AP5S1: variants seen among roughly 807,000 people sequenced by gnomAD.
The protein encoded by AP5S1 is AP-5 complex subunit sigma-1.
AP5S1 carries 13 observed loss-of-function variants against 13.9 expected under a neutral mutation model. That is an observed-to-expected ratio of 0.94 (90% CI 0.61 to 1.49). AP5S1 has a LOEUF of 1.49. AP5S1 is among the 40% of genes most tolerant of loss of function. The probability of loss-of-function intolerance (pLI) is 0.00; values close to 1 mark genes in which losing one functional copy is unlikely to be tolerated. For missense variants in AP5S1, 292 were observed against 272.3 expected, an observed-to-expected ratio of 1.07 and a Z score of -0.51; for synonymous variants, 132 against 121.8, an observed-to-expected ratio of 1.08 and a Z score of -0.55.
chr20:3,823,721 G>A, intron 2 of AP5S1, 150 bp from the exon 3 acceptor site: 1 of 1,458,296 alleles, frequency 6.9e-7, no homozygotes, highest in Admixed American at 2.7e-5. Context: ...TCCTGATTCT[G>A]TGGCCCTGGG....
chr20:3,821,532 C>T (rs2089581252), intron 1 of AP5S1, among the ~76,000 whole-genome samples: 1 of 151,986 alleles, frequency 6.6e-6, no homozygotes, highest in African/African-American at 2.4e-5. Flanking sequence ...CCACCATGCC[C>T]GGCTAATTTA....
At position 3,822,362 on chromosome 20, in the gene AP5S1, G is replaced by C; in HGVS notation, c.176+69G>C. 3 of 1,494,596 alleles carry C rather than the reference G, an allele frequency of 2.0e-6. No individual in the cohort carries two copies. The East Asian group carries it at 6.9e-5, about 34-fold the overall frequency. The allele number at this position is 1,494,596 out of a possible 1,614,324, so 92.6% of individuals were successfully genotyped here. On this transcript the variant is annotated intron_variant, in intron 2 of 2. Coordinates refer to ENST00000615891, the MANE Select transcript of AP5S1 (RefSeq NM_018347.3). ...TGATTGTAATAGGTATTTTCGGGGAGTGGGGACGCAGAGAAATAGGAGGAC... is the reference window on the plus strand; with the variant it reads ...TGATTGTAATAGGTATTTTCGGGGACTGGGGACGCAGAGAAATAGGAGGAC...
chr20:3,823,875 G>A lies in AP5S1; in HGVS notation c.181G>A (p.Val61Ile), dbSNP rs745397969. 8.1e-6 allele frequency: 13 copies of A among 1,598,970 alleles called. No individual in the cohort carries two copies. The highest frequency in any genetic ancestry group is 1.3e-5 in the African/African-American group (1 of 74,888). The change falls in exon 3 of 3, where the codon GTA becomes ATA. Residue 61 changes from valine to isoleucine, a missense_variant. Transcript: ENST00000615891. Reference sequence around the variant, plus strand: ...TGACCTGCCCACTCTCCCCAGGCAGGTAGAGTCAATGTGTCGGCTGCAGCA... The same window carrying A: ...TGACCTGCCCACTCTCCCCAGGCAGATAGAGTCAATGTGTCGGCTGCAGCA... ...KEQILAVARQ[V>I]ESMCRLQQQA... is the part of the protein sequence containing the mutation.
rs1379975423 is a variant in AP5S1 at position 3,827,946 on chromosome 20, G to C, written c.*3649G>C. The C allele has an allele frequency of 1.3e-5, 2 of 151,682 alleles. No individual in the cohort carries two copies. Among genetic ancestry groups the C allele is most frequent in the Admixed American group, 1.3e-4 (2 of 15,208 alleles). The allele number at this position is 151,682 out of a possible 1,614,324, so 9.4% of individuals were successfully genotyped here. A position where few individuals can be genotyped will look rare whatever the true frequency, so the allele number is the denominator to read the frequency against. On this transcript the variant is annotated 3_prime_UTR_variant, in exon 3 of 3. Transcript: ENST00000615891. ...CTGGCTAATTTTTGTATCTTTAGTA[G>C]AGACAGGGTTTCACCGTGTTGGCCA...
intron 2 of AP5S1, chr20:3,823,653 A>G (rs2089600777): frequency 1.0e-6 from 1 of 985,296 alleles, no homozygotes; most frequent in Admixed American, 6.1e-5. Context: ...AGCTGGGTTG[A>G]AAACCTGCCC....
chr20:3,825,997 T>G lies in AP5S1; in HGVS notation c.*1700T>G. The G allele has an allele frequency of 1.3e-5, 2 of 150,222 alleles. No homozygotes were observed. The highest frequency in any genetic ancestry group is 2.2e-4 in the South Asian group (1 of 4,640). 9.3% of individuals were successfully genotyped at this position (150,222 alleles called of 1,614,324 possible). On this transcript the variant is annotated 3_prime_UTR_variant, in exon 3 of 3. Coordinates refer to ENST00000615891, the MANE Select transcript of AP5S1 (RefSeq NM_018347.3). ...GGGGTGGGGGAAAAACCACTTCAGTTTACATTGATTTTCATGATCTTCCTG... is the reference window on the plus strand; with the variant it reads ...GGGGTGGGGGAAAAACCACTTCAGTGTACATTGATTTTCATGATCTTCCTG...
intron 2 of AP5S1, 30 bp from the exon 3 acceptor site, chr20:3,823,841 C>T (rs1489231809): frequency 2.5e-6 from 4 of 1,577,724 alleles, no homozygotes; most frequent in Non-Finnish European, 3.4e-6. Context: ...GTGTGTGAGC[C>T]CACCAGCCTG....
Position 3,824,553 on chromosome 20 carries a change from G to A in AP5S1, c.*256G>A. The A allele has an allele frequency of 1.9e-6, 1 of 525,664 alleles. No homozygotes were observed. 32.6% of individuals were successfully genotyped at this position (525,664 alleles called of 1,614,324 possible). ...CCGCTGCCGTGCGGCAGCCACGCTT[G>A]TCCTTGAACCCACCTTCCTCCATCC... On this transcript the variant is annotated 3_prime_UTR_variant, in exon 3 of 3. Transcript: ENST00000615891.
At position 3,823,987 on chromosome 20, in the gene AP5S1, T is replaced by C. The variant is rs146153842; in HGVS notation, c.293T>C (p.Phe98Ser). ...VPLHEAPRGA[F>S]RLAAENPFQE... ...CTGCACGAGGCCCCACGTGGGGCTTTCCGCCTGGCAGCAGAGAACCCTTTC... is the reference window on the plus strand; with the variant it reads ...CTGCACGAGGCCCCACGTGGGGCTTCCCGCCTGGCAGCAGAGAACCCTTTC... The change falls in exon 3 of 3, where the codon TTC becomes TCC. Residue 98 changes from phenylalanine (F) to serine (S), a missense_variant. Physicochemically the swap from Phe to Ser is radical, Grantham distance 155. Coordinates refer to ENST00000615891, the MANE Select transcript of AP5S1 (RefSeq NM_018347.3). The C allele has an allele frequency of 1.9e-6, 3 of 1,612,500 alleles. No homozygotes were observed. Among genetic ancestry groups the C allele is most frequent in the African/African-American group, 2.7e-5 (2 of 74,946 alleles).
At position 3,823,503 on chromosome 20, in the gene AP5S1, G is replaced by A. The variant is rs545656982; in HGVS notation, c.177-368G>A. ...CCTGACCTCGTGATCCGCCCGCCTC[G>A]GCCTCCCAAAGTGCTGGGATTACAG... On this transcript the variant is annotated intron_variant, in intron 2 of 2. Transcript: ENST00000615891. 79 of 976,102 alleles carry A rather than the reference G, an allele frequency of 8.1e-5. No homozygotes were observed. In the African/African-American group the frequency reaches 1.1e-3, roughly 13 times the overall value. The allele number at this position is 976,102 out of a possible 1,614,324, so 60.5% of individuals were successfully genotyped here. A position where few individuals can be genotyped will look rare whatever the true frequency, so the allele number is the denominator to read the frequency against.
Position 3,827,644 on chromosome 20 carries a change from G to A in AP5S1, c.*3347G>A, listed in dbSNP as rs1187811317. ...TGGGTCACATACACTGCATGTATGT[G>A]AGCCCTGGGATGGGATTGGATCATC... On this transcript the variant is annotated 3_prime_UTR_variant, in exon 3 of 3. Transcript: ENST00000615891. 6.6e-6 allele frequency: 1 copy of A among 152,268 alleles called. No homozygotes were observed. The highest frequency in any genetic ancestry group is 2.4e-5 in the African/African-American group (1 of 41,450). The allele number at this position is 152,268 out of a possible 1,614,324, so 9.4% of individuals were successfully genotyped here.
chr20:3,826,022 G>A lies in AP5S1; in HGVS notation c.*1725G>A, dbSNP rs2089622530. 1 of 152,026 alleles carries A rather than the reference G, an allele frequency of 6.6e-6. No individual in the cohort carries two copies. Among genetic ancestry groups the A allele is most frequent in the Admixed American group, 6.5e-5 (1 of 15,274 alleles). The allele number at this position is 152,026 out of a possible 1,614,324, so 9.4% of individuals were successfully genotyped here. A position where few individuals can be genotyped will look rare whatever the true frequency, so the allele number is the denominator to read the frequency against. On this transcript the variant is annotated 3_prime_UTR_variant, in exon 3 of 3. Coordinates refer to ENST00000615891, the MANE Select transcript of AP5S1 (RefSeq NM_018347.3). ...TTACATTGATTTTCATGATCTTCCT[G>A]TTACCAAGGAAGGTGAGGCTTTCTT...
At chr20:3,821,610 G>A (rs1385635037) in intron 1 of AP5S1, among the ~76,000 whole-genome samples, 2 of 151,986 alleles carry the variant, frequency 1.3e-5, no homozygotes, top group Non-Finnish European at 2.9e-5. Context: ...CAAGTGATCC[G>A]CCCACCTAGA....
rs776927558 is a variant in AP5S1 at position 3,824,179 on chromosome 20, G to A, written c.485G>A (p.Arg162Gln). The A allele has an allele frequency of 1.1e-5, 17 of 1,613,974 alleles. No homozygotes were observed. The highest frequency in any genetic ancestry group is 1.6e-4 in the Middle Eastern group (1 of 6,084). Residue 162 changes from arginine (R) to glutamine (Q), a missense_variant, in exon 3 of 3, where the codon CGG (arginine) becomes CAG (glutamine). Transcript: ENST00000615891. Reference protein sequence around the residue: ...LLAPSTSLLLRADRIEGILTR... With the variant: ...LLAPSTSLLLQADRIEGILTR... The stretch of plus-strand genomic sequence containing the variant: ...GCGCCCAGCACCAGCCTTCTGCTGC[G>A]GGCTGACCGCATTGAGGGCATCCTC...
chr20:3,821,969 C>G (rs893141183), intron 1 of AP5S1, 133 bp from the exon 2 acceptor site: 48 of 1,364,094 alleles, frequency 3.5e-5, no homozygotes, highest in Non-Finnish European at 4.1e-5. Flanking sequence ...TGTTCAGATG[C>G]TGTTATTCAA....
At chr20:3,821,902 C>A in intron 1 of AP5S1, 200 bp from the exon 2 acceptor site, 2 of 947,634 alleles carry the variant, frequency 2.1e-6, no homozygotes, top group Non-Finnish European at 2.5e-6. Context: ...TTAGTTTATG[C>A]CTATTCTGCT....
chr20:3,827,587 G>A lies in AP5S1; in HGVS notation c.*3290G>A, dbSNP rs1217898788. 6.6e-6 allele frequency: 1 copy of A among 152,138 alleles called. No homozygotes were observed. The highest frequency in any genetic ancestry group is 1.5e-5 in the Non-Finnish European group (1 of 68,062). The allele number at this position is 152,138 out of a possible 1,614,324, so 9.4% of individuals were successfully genotyped here. ...GCATGAAGTCACAGGTTTTAAGGCA[G>A]GAACTGGCCTGCATGTATGTGGGTC... On this transcript the variant is annotated 3_prime_UTR_variant, in exon 3 of 3. Coordinates refer to ENST00000615891, the MANE Select transcript of AP5S1 (RefSeq NM_018347.3).
chr20:3,820,617 G>A lies in AP5S1; in HGVS notation c.-158G>A, dbSNP rs920607370. 2.0e-5 allele frequency: 3 copies of A among 152,260 alleles called. No individual in the cohort carries two copies. The East Asian group carries it at 5.8e-4, about 29-fold the overall frequency. The allele number at this position is 152,260 out of a possible 1,614,324, so 9.4% of individuals were successfully genotyped here. A position where few individuals can be genotyped will look rare whatever the true frequency, so the allele number is the denominator to read the frequency against. On this transcript the variant is annotated 5_prime_UTR_variant, in exon 1 of 3. Transcript: ENST00000615891. ...AGTCCGCGGGCCCGGACGGAAGGCT[G>A]AGGCGACGCCTCGACGACAGCGGAC... is the stretch of plus-strand genomic sequence containing the variant.
At position 3,822,206 on chromosome 20, in the gene AP5S1, G is replaced by A. The variant is rs749473569; in HGVS notation, c.89G>A (p.Gly30Asp). ...LCRVLYSCVF[G>D]AEKSPDDPRP... ...CGAGTGCTGTACTCCTGCGTCTTCG[G>A]TGCTGAGAAGTCACCTGATGACCCA... Residue 30 changes from glycine (G) to aspartate (D), a missense_variant, in exon 2 of 3, where the codon GGT becomes GAT. Coordinates refer to ENST00000615891, the MANE Select transcript of AP5S1 (RefSeq NM_018347.3). 2.1e-5 allele frequency: 34 copies of A among 1,614,058 alleles called. No homozygotes were observed. Among genetic ancestry groups the A allele is most frequent in the Middle Eastern group, 3.3e-4 (2 of 6,084 alleles).
Sources: allele counts gnomAD v4.1 joint callset (sites outside exome capture counted in the v4.1 genomes callset), GRCh38; gene constraint gnomAD v4.1.1; transcripts MANE v1.5; gene names NCBI Gene and HGNC (gene_info 2026-07-23, HGNC 2026-07-21).